FNIP2: variants seen among roughly 807,000 people sequenced by gnomAD.
FNIP2 encodes folliculin-interacting protein 2.
Under a neutral mutation model 108.7 loss-of-function variants are expected in FNIP2, and 32 were observed. The ratio of observed to expected loss-of-function variants is 0.29; its 90% confidence interval spans 0.22 to 0.40. FNIP2 has a LOEUF of 0.40. FNIP2 is among the 10% of genes least tolerant of loss of function. The probability of loss-of-function intolerance (pLI) is 1.00; values close to 1 mark genes in which losing one functional copy is unlikely to be tolerated. For missense variants in FNIP2, 1,202 were observed against 1,381.6 expected, an observed-to-expected ratio of 0.87 and a Z score of 2.06; for synonymous variants, 480 against 496.7, an observed-to-expected ratio of 0.97 and a Z score of 0.45.
chr4:158,853,318 A>C lies in FNIP2; in HGVS notation c.857+1868A>C, dbSNP rs902496008. 2.0e-5 allele frequency among the ~76,000 whole-genome samples: 3 copies of C among 152,202 alleles called. No homozygotes were observed. In the South Asian group the frequency reaches 6.2e-4, roughly 31 times the overall value. On this transcript the variant is annotated intron_variant, in intron 8 of 16. Transcript: ENST00000264433. ...TTGATAATTTTTTACTTGGAGAAGG[A>C]TCTTTCTGCTGATGCAGTCTTACAT...
rs200077976 is a variant in FNIP2, at chr4:158,836,644, CAAAAAAA to C, written c.727+1176_727+1182del. ...CGAAACTCCATCTCTACTAAAAATACAAAAAAAAAAAAAAGAAAGAAATTAGCCAGGC... is the reference window on the plus strand; with the variant it reads ...CGAAACTCCATCTCTACTAAAAATACAAAAAAAGAAAGAAATTAGCCAGGC... On this transcript the variant is annotated intron_variant, in intron 7 of 16. Transcript: ENST00000264433. 3.2e-5 allele frequency: 4 copies of C among 123,604 alleles called. No individual in the cohort carries two copies. In the Admixed American group the frequency reaches 3.3e-4, roughly 10 times the overall value. The allele number at this position is 123,604 out of a possible 1,614,324, so 7.7% of individuals were successfully genotyped here.
At chr4:158,858,786 G>A (rs962867671) in intron 8 of FNIP2, among the ~76,000 whole-genome samples, 28 of 152,064 alleles carry the variant, frequency 1.8e-4, no homozygotes, top group African/African-American at 6.3e-4. Flanking sequence ...GACATAAAAC[G>A]ATTCAAAGGA....
rs11936327 is a variant in FNIP2, at chr4:158,861,858, C to G, written c.1465+82C>G. ...CTAGAATTTGTAGTTTATACCGGCT[C>G]TCTCACCCAGTAATTCATAGGTTGT... On this transcript the variant is annotated intron_variant, in intron 12 of 16. Transcript: ENST00000264433. 20,216 of 1,477,232 alleles carry G rather than the reference C, an allele frequency of 0.014. 865 individuals are homozygous for G. The African/African-American group carries it at 0.14, about 10-fold the overall frequency. The allele number at this position is 1,477,232 out of a possible 1,614,324, so 91.5% of individuals were successfully genotyped here.
At chr4:158,894,906 A>G (rs1237615339) in intron 15 of FNIP2, among the ~76,000 whole-genome samples, 1 of 152,234 alleles carries the variant, frequency 6.6e-6, no homozygotes, top group African/African-American at 2.4e-5. Flanking sequence ...GTCAAGATCA[A>G]CATTTTCAAA....
intron 8 of FNIP2, among the ~76,000 whole-genome samples, chr4:158,853,446 A>G (rs985858295): frequency 2.6e-5 from 4 of 152,218 alleles, no homozygotes; most frequent in African/African-American, 9.7e-5. Flanking sequence ...TTACATATGT[A>G]TACATGTGCC....
At chr4:158,837,373 G>A (rs1192454765) in intron 7 of FNIP2, among the ~76,000 whole-genome samples, 2 of 152,216 alleles carry the variant, frequency 1.3e-5, no homozygotes, top group African/African-American at 2.4e-5. Flanking sequence ...CTGCACAGCT[G>A]TAACCTTATT....
chr4:158,886,806 A>G (rs1440814610), intron 14 of FNIP2, among the ~76,000 whole-genome samples: 1 of 152,220 alleles, frequency 6.6e-6, no homozygotes, highest in Non-Finnish European at 1.5e-5. Flanking sequence ...GAACTCTGAA[A>G]TGAGGACCTG....
In FNIP2 at chr4:158,771,514, G is replaced by A. The variant is rs181361964; in HGVS notation, c.107+2195G>A. Among the ~76,000 whole-genome samples the A allele has an allele frequency of 3.9e-5, 6 of 152,328 alleles. No homozygotes were observed. The East Asian group carries it at 1.2e-3, about 29-fold the overall frequency. ...TGGTATGTACTTTGAGGGGAACAAG[G>A]TGCCTTATTGCAGGGCATTAGCTGC... On this transcript the variant is annotated intron_variant, in intron 1 of 16. Transcript: ENST00000264433.
intron 1 of FNIP2, among the ~76,000 whole-genome samples, chr4:158,818,925 T>C (rs1361061784): frequency 6.6e-6 from 1 of 152,180 alleles, no homozygotes; most frequent in Non-Finnish European, 1.5e-5. Context: ...TGAATCCTAA[T>C]CCGTGTCCCA....
In FNIP2 at chr4:158,868,989, G is replaced by A; in HGVS notation, c.2353G>A (p.Glu785Lys). The change falls in exon 13 of 17, where the codon GAG (glutamate) becomes AAG (lysine). Residue 785 changes from glutamate (E) to lysine (K), a missense_variant. Physicochemically the swap from Glu to Lys is moderately conservative, Grantham distance 56 (BLOSUM62 1). This residue lies in a region of FNIP2 where 878 missense variants were observed against 990.3 expected (regional missense o/e 0.89). Coordinates refer to ENST00000264433, the MANE Select transcript of FNIP2 (RefSeq NM_020840.3). The surrounding 1 kb of genome is among the most constrained non-coding windows in gnomAD (Gnocchi z 4.6). ...NVCCPQNRLS[E>K]GDEGESDKGF... ...TTGCTGTCCTCAGAATCGGCTTTCA[G>A]AGGGGGATGAAGGCGAGTCTGACAA... 1 of 1,614,006 alleles carries A rather than the reference G, an allele frequency of 6.2e-7. No homozygotes were observed. Among genetic ancestry groups the A allele is most frequent in the South Asian group, 1.1e-5 (1 of 91,084 alleles).
chr4:158,861,207 C>T, intron 10 of FNIP2, 135 bp from the exon 11 acceptor site: 4 of 1,065,784 alleles, frequency 3.8e-6, no homozygotes, highest in Non-Finnish European at 5.2e-6. Flanking sequence ...GTGTGCAACC[C>T]CTGTTATGTG....
intron 14 of FNIP2, among the ~76,000 whole-genome samples, chr4:158,881,661 C>T (rs1236440087): frequency 2.0e-5 from 3 of 152,050 alleles, no homozygotes; most frequent in Non-Finnish European, 4.4e-5. Context: ...CTGTGTTGGC[C>T]GGGCTGGTCT....
At chr4:158,774,193 C>T (rs541722388) in intron 1 of FNIP2, among the ~76,000 whole-genome samples, 11 of 151,978 alleles carry the variant, frequency 7.2e-5, no homozygotes, top group East Asian at 1.9e-4. Flanking sequence ...AAAATAGGAG[C>T]GATTATGCAT....
At chr4:158,872,543 A>T (rs1578952855) in intron 14 of FNIP2, 1 of 985,408 alleles carries the variant, frequency 1.0e-6, no homozygotes, top group East Asian at 1.1e-4. Context: ...GGTACATCCA[A>T]AGTGCAGCCA....
chr4:158,845,202 C>T (rs925395539), intron 7 of FNIP2, among the ~76,000 whole-genome samples: 1 of 152,190 alleles, frequency 6.6e-6, no homozygotes, highest in African/African-American at 2.4e-5. Context: ...ACTTTTGAAA[C>T]TGAAACTGAG....
intron 2 of FNIP2, among the ~76,000 whole-genome samples, chr4:158,828,432 G>A (rs776204957): frequency 1.3e-5 from 2 of 152,114 alleles, no homozygotes; most frequent in Non-Finnish European, 2.9e-5. Flanking sequence ...TGGTCAACAT[G>A]GTGAAACCCC....
chr4:158,896,630 C>T (rs1239473409), intron 16 of FNIP2, among the ~76,000 whole-genome samples: 1 of 152,126 alleles, frequency 6.6e-6, no homozygotes, highest in Non-Finnish European at 1.5e-5. Flanking sequence ...TTAGATTTCT[C>T]ATCTTTCACA....
chr4:158,859,753 G>A, intron 10 of FNIP2, 87 bp downstream of exon 10: 2 of 1,133,224 alleles, frequency 1.8e-6, no homozygotes, highest in Non-Finnish European at 2.6e-6. Context: ...AAGAATTGGG[G>A]GCCTGGCAGT....
intron 1 of FNIP2, among the ~76,000 whole-genome samples, chr4:158,790,017 C>T (rs917117333): frequency 4.6e-5 from 7 of 151,990 alleles, no homozygotes; most frequent in Admixed American, 1.3e-4. Flanking sequence ...CACACCTGAC[C>T]TTATGGGTCA....
Sources: allele counts gnomAD v4.1 joint callset (sites outside exome capture counted in the v4.1 genomes callset), GRCh38; gene constraint gnomAD v4.1.1; regional missense constraint gnomAD v4.1.1; non-coding constraint Gnocchi (gnomAD v3.1); transcripts MANE v1.5; gene names NCBI Gene and HGNC (gene_info 2026-07-23, HGNC 2026-07-21).